The following BRSK2 variants were observed in gnomAD, a reference collection of about 807,000 sequenced individuals.
BRSK2 encodes serine/threonine-protein kinase BRSK2.
A neutral mutation model predicts 83.3 loss-of-function variants in BRSK2; 19 were observed. That is an observed-to-expected ratio of 0.23 (90% confidence interval 0.16 to 0.33). BRSK2 has a LOEUF of 0.33. Among genes scored for constraint, BRSK2 ranks in the 10% least tolerant of loss-of-function variants. The pLI, the probability that BRSK2 is intolerant of heterozygous loss-of-function variation, is 1.00. For synonymous variants in BRSK2, 519 were observed against 435.4 expected (o/e 1.19, Z -2.39); for missense variants, 798 against 1,042.3 (o/e 0.77, Z 3.23).
At position 1,445,474 on chromosome 11, in the gene BRSK2, C is replaced by T. The variant is rs774673708; in HGVS notation, c.977+16C>T. 4 of 1,611,050 alleles carry T rather than the reference C, an allele frequency of 2.5e-6. No individual in the cohort carries two copies. The highest frequency in any genetic ancestry group is 3.4e-6 in the Non-Finnish European group (4 of 1,179,424). On this transcript the variant is annotated intron_variant, in intron 10 of 19. Coordinates refer to ENST00000528841, the MANE Select transcript of BRSK2 (RefSeq NM_001256627.2). ...TGTCCGAGGAGTGCGTCTGGGGCTG[C>T]TCCCGGGTGGGGCACGGGGCCTGAG...
chr11:1,425,180 C>T (rs976651239), intron 1 of BRSK2, among the ~76,000 whole-genome samples: 5 of 152,226 alleles, frequency 3.3e-5, no homozygotes, highest in African/African-American at 1.2e-4. Flanking sequence ...GGAGTCTCAG[C>T]TCCCCGGGTC....
In BRSK2 at chr11:1,461,003, C is replaced by A; in HGVS notation, c.*280C>A. The A allele has an allele frequency of 6.2e-7, 1 of 1,612,146 alleles. No homozygotes were observed. Among genetic ancestry groups the A allele is most frequent in the Non-Finnish European group, 8.5e-7 (1 of 1,179,354 alleles). ...CCGAAAAGTTAACATGTCACCTCCACGAGGCCATCCTCTGTGACCGAAGGC... is the reference window on the plus strand; with the variant it reads ...CCGAAAAGTTAACATGTCACCTCCAAGAGGCCATCCTCTGTGACCGAAGGC... On this transcript the variant is annotated 3_prime_UTR_variant, in exon 20 of 20. Coordinates refer to ENST00000528841, the MANE Select transcript of BRSK2 (RefSeq NM_001256627.2).
At position 1,456,833 on chromosome 11, in the gene BRSK2, G is replaced by T. The variant is rs1846621614; in HGVS notation, c.1939+146G>T. Reference sequence around the variant, plus strand: ...CCCCACCTCCCTGCCCCGAGCTGTGGCTGCACCCCTCAGGGAGCAGAGCCC... The same window carrying T: ...CCCCACCTCCCTGCCCCGAGCTGTGTCTGCACCCCTCAGGGAGCAGAGCCC... On this transcript the variant is annotated intron_variant, in intron 18 of 19. Transcript: ENST00000528841. The T allele has an allele frequency of 3.8e-6, 5 of 1,332,446 alleles. No individual in the cohort carries two copies. In the African/African-American group the frequency reaches 7.3e-5, roughly 19 times the overall value. 82.5% of individuals were successfully genotyped at this position (1,332,446 alleles called of 1,614,324 possible).
Position 1,411,151 on chromosome 11 carries a change from C to T in BRSK2, c.91+20776C>T, listed in dbSNP as rs186104854. On this transcript the variant is annotated intron_variant, in intron 1 of 19. Coordinates refer to ENST00000528841, the MANE Select transcript of BRSK2 (RefSeq NM_001256627.2). Reference sequence around the variant, plus strand: ...CCTCAGGGGCCTAGGGTGGGGGCTCCAGTCTCAGGCTGGCTAGTTCCTCCT... The same window carrying T: ...CCTCAGGGGCCTAGGGTGGGGGCTCTAGTCTCAGGCTGGCTAGTTCCTCCT... 3.4e-5 allele frequency: 41 copies of T among 1,223,214 alleles called. No homozygotes were observed. In the African/African-American group the frequency reaches 5.6e-4, roughly 17 times the overall value. The allele number at this position is 1,223,214 out of a possible 1,614,324, so 75.8% of individuals were successfully genotyped here.
intron 1 of BRSK2, among the ~76,000 whole-genome samples, chr11:1,417,689 G>T (rs1848237543): frequency 7.1e-6 from 1 of 139,902 alleles, no homozygotes; most frequent in African/African-American, 2.7e-5. Flanking sequence ...TGCTTCTGTT[G>T]GCTGTTTCTT....
Position 1,456,499 on chromosome 11 carries a change from T to C in BRSK2, c.1820T>C (p.Ile607Thr). 1 of 1,577,004 alleles carries C rather than the reference T, an allele frequency of 6.3e-7. No homozygotes were observed. Among genetic ancestry groups the C allele is most frequent in the Non-Finnish European group, 8.6e-7 (1 of 1,160,538 alleles). ...EGGEAQKENG[I>T]YSVTFTLLSG... ...GGGGAGGCGCAGAAGGAGAACGGCA[T>C]CTACTCCGTCACCTTCACCCTGCTC... The change falls in exon 17 of 20, where the codon ATC becomes ACC. Residue 607 changes from isoleucine (I) to threonine (T), a missense_variant. By Grantham distance (89) the Ile-to-Thr change is moderately conservative. This residue lies in a region of BRSK2 where 455 missense variants were observed against 455.2 expected (regional missense o/e 1.00). Coordinates refer to ENST00000528841, the MANE Select transcript of BRSK2 (RefSeq NM_001256627.2).
At chr11:1,429,270 CACTCGTGTG>C (rs1849662119) in intron 1 of BRSK2, among the ~76,000 whole-genome samples, 1 of 104,860 alleles carries the variant, frequency 9.5e-6, no homozygotes, top group African/African-American at 5.5e-5. Flanking sequence ...GGTGTGTGTG[CACTCGTGTG>C]GGTGTGTGCA....
At chr11:1,443,701 TGTGTGTGCACAG>T (rs200172547) in intron 8 of BRSK2, 66 bp downstream of exon 8, 35,701 of 1,460,586 alleles carry the variant, frequency 0.024, 478 homozygotes, top group Middle Eastern at 0.041. Context: ...GGCGTGTGCC[TGTGTGTGCACAG>T]GTGTGTGCCC....
chr11:1,398,077 G>T (rs761844588), intron 1 of BRSK2, among the ~76,000 whole-genome samples: 4 of 151,864 alleles, frequency 2.6e-5, no homozygotes, highest in Admixed American at 6.6e-5. Context: ...CCAGCTGTGG[G>T]TGGTTTGCGG....
chr11:1,419,604 CAG>C (rs1402423026), intron 1 of BRSK2, among the ~76,000 whole-genome samples: 1 of 152,226 alleles, frequency 6.6e-6, no homozygotes, highest in Non-Finnish European at 1.5e-5. Context: ...GTGCAATCAA[CAG>C]AATTTTTGAA....
intron 18 of BRSK2, among the ~76,000 whole-genome samples, chr11:1,458,640 C>G (rs1846971752): frequency 6.6e-6 from 1 of 152,192 alleles, no homozygotes; most frequent in Non-Finnish European, 1.5e-5. Flanking sequence ...TGTGTCCACC[C>G]TGTGCAGGCG....
At chr11:1,456,807 C>T in intron 18 of BRSK2, 120 bp downstream of exon 18, 2 of 1,301,436 alleles carry the variant, frequency 1.5e-6, no homozygotes, top group Non-Finnish European at 1.1e-6. Flanking sequence ...TTGACGGACG[C>T]CCCCACCTCC....
rs749942395 is a variant in BRSK2, at chr11:1,445,466, T to TGG, written c.977+11_977+12dup. On this transcript the variant is annotated intron_variant, in intron 10 of 19. Coordinates refer to ENST00000528841, the MANE Select transcript of BRSK2 (RefSeq NM_001256627.2). ...GGACCTGCTGTCCGAGGAGTGCGTC[T>TGG]GGGGCTGCTCCCGGGTGGGGCACGG... 8.7e-6 allele frequency: 14 copies of TGG among 1,611,228 alleles called. No homozygotes were observed. In the Admixed American group the frequency reaches 2.3e-4, roughly 27 times the overall value.
intron 8 of BRSK2, among the ~76,000 whole-genome samples, 194 bp downstream of exon 8, chr11:1,443,829 C>T (rs58794521): frequency 9.9e-5 from 15 of 151,602 alleles, no homozygotes; most frequent in Non-Finnish European, 2.2e-4. Context: ...GGCCCATGGC[C>T]GTGTGTGGGT....
intron 8 of BRSK2, 59 bp downstream of exon 8, chr11:1,443,694 GTGTGCC>G: frequency 6.8e-7 from 1 of 1,465,978 alleles, no homozygotes; most frequent in East Asian, 2.5e-5. Context: ...GGGGGCGGGC[GTGTGCC>G]TGTGTGTGCA....
chr11:1,406,377 C>T (rs895176804), intron 1 of BRSK2, among the ~76,000 whole-genome samples: 3 of 152,158 alleles, frequency 2.0e-5, no homozygotes, highest in South Asian at 2.1e-4. Flanking sequence ...GAGGCTGAGG[C>T]GGGAGAATGG....
At chr11:1,420,553 GA>G (rs1458576168) in intron 1 of BRSK2, among the ~76,000 whole-genome samples, 2 of 152,220 alleles carry the variant, frequency 1.3e-5, no homozygotes, top group African/African-American at 4.8e-5. Flanking sequence ...AGGAAGGTTT[GA>G]CAGGTGAGTG....
Position 1,456,632 on chromosome 11 carries a change from C to T in BRSK2, c.1884C>T (p.Thr628=). Residue 628 remains threonine, a synonymous_variant, in exon 18 of 20, where the codon ACC becomes ACT. Transcript: ENST00000528841. ...PSRRFKRVVE[T]IQAQLLSTHD... ...GTCGCTTCAAGAGGGTGGTGGAGAC[C>T]ATCCAGGCCCAGCTGCTGAGCACAC... 1 of 1,611,086 alleles carries T rather than the reference C, an allele frequency of 6.2e-7. No homozygotes were observed. Among genetic ancestry groups the T allele is most frequent in the Non-Finnish European group, 8.5e-7 (1 of 1,179,364 alleles).
chr11:1,409,769 A>T (rs1321446951), intron 1 of BRSK2: 1 of 138,520 alleles, frequency 7.2e-6, no homozygotes, highest in Non-Finnish European at 1.6e-5. Context: ...ACAGAGCTTC[A>T]GGAACCACCG....
Sources: gnomAD v4.1 joint callset for allele counts (sites outside exome capture counted in the v4.1 genomes callset) on GRCh38, gnomAD v4.1.1 for gene constraint, gnomAD v4.1.1 regional missense constraint, MANE v1.5 for transcripts, NCBI Gene and HGNC (gene_info 2026-07-23, HGNC 2026-07-21) for gene names.